Variants in CFHR5 observed in about 807,000 individuals in gnomAD.
The protein encoded by CFHR5 is complement factor H related 5, also known as complement factor H-related protein 5.
In CFHR5, 73 loss-of-function variants were observed where a neutral mutation model predicts 62.9. The ratio of observed to expected loss-of-function variants is 1.16; its 90% CI spans 0.96 to 1.41. The LOEUF (loss-of-function observed/expected upper bound fraction) is 1.41. CFHR5 is among the 40% of genes most tolerant of loss of function. CFHR5 has a pLI of 0.00. For synonymous variants in CFHR5, 249 were observed against 227.2 expected (o/e 1.10, Z -0.86); for missense variants, 779 against 679.9 (o/e 1.15, Z -1.62).
Position 196,998,261 on chromosome 1 carries a change from A to C in CFHR5, c.1104A>C (p.Ser368=). The C allele has an allele frequency of 6.2e-7, 1 of 1,610,786 alleles. No homozygotes were observed. The highest frequency in any genetic ancestry group is 8.5e-7 in the Non-Finnish European group (1 of 1,177,914). ...RCSDIFRYRH[S]VCINGKWNPE... ...CAGACATCTTCAGATACAGGCACTCAGTCTGTATAAACGGGAAATGGAATC... is the reference window on the plus strand; with the variant it reads ...CAGACATCTTCAGATACAGGCACTCCGTCTGTATAAACGGGAAATGGAATC... Residue 368 remains serine, a synonymous_variant, in exon 7 of 10, where the codon TCA becomes TCC. Coordinates refer to ENST00000256785, the MANE Select transcript of CFHR5 (RefSeq NM_030787.4).
chr1:197,006,929 T>C (rs144400911), intron 9 of CFHR5, among the ~76,000 whole-genome samples: 3,998 of 149,770 alleles, frequency 0.027, 168 homozygotes, highest in African/African-American at 0.086. Flanking sequence ...CTCCGCCTCC[T>C]GGGTTCAAGC....
At chr1:196,979,825 A>G (rs1401514660) in intron 1 of CFHR5, among the ~76,000 whole-genome samples, 2 of 152,090 alleles carry the variant, frequency 1.3e-5, no homozygotes, top group Non-Finnish European at 2.9e-5. Flanking sequence ...TGGTGCACCC[A>G]GGATAGACTA....
chr1:196,983,867 C>T, intron 2 of CFHR5, 94 bp from the exon 3 acceptor site: 1 of 794,094 alleles, frequency 1.3e-6, no homozygotes, highest in Non-Finnish European at 2.1e-6. Context: ...CACATGATGT[C>T]AGTTTTCAAA....
chr1:196,983,139 G>A (rs568332602), intron 2 of CFHR5, 60 bp downstream of exon 2: 80 of 1,604,040 alleles, frequency 5.0e-5, no homozygotes, highest in Middle Eastern at 1.7e-4. Context: ...AGGATGTGCC[G>A]GACAAGATCA....
At chr1:196,998,515 T>G (rs904583383) in intron 7 of CFHR5, among the ~76,000 whole-genome samples, 2 of 151,974 alleles carry the variant, frequency 1.3e-5, no homozygotes, top group African/African-American at 4.8e-5. Context: ...GTAAAGCTGT[T>G]TTTACTCTAT....
chr1:196,985,703 T>C (rs1421742408), intron 3 of CFHR5, among the ~76,000 whole-genome samples: 1 of 152,192 alleles, frequency 6.6e-6, no homozygotes, highest in Non-Finnish European at 1.5e-5. Context: ...CAAATTAAGT[T>C]TGGCCAGCGT....
chr1:197,001,419 T>C (rs916122794), intron 7 of CFHR5, among the ~76,000 whole-genome samples: 1 of 152,164 alleles, frequency 6.6e-6, no homozygotes, highest in Non-Finnish European at 1.5e-5. Context: ...ATAATTATTA[T>C]ATTTTTTAAT....
chr1:196,989,559 G>C (rs758054474), intron 3 of CFHR5, among the ~76,000 whole-genome samples: 2 of 152,054 alleles, frequency 1.3e-5, no homozygotes, highest in Non-Finnish European at 2.9e-5. Flanking sequence ...CAGAGATTCT[G>C]GTAAGTTGTG....
Position 196,995,753 on chromosome 1 carries a change from C to G in CFHR5, c.644C>G (p.Ser215Cys). ...VRSCGPPPQLSNGEVKEIRKE... is the reference protein window; with the variant it reads ...VRSCGPPPQLCNGEVKEIRKE... ...TCATGTGGTCCACCTCCTCAACTCT[C>G]CAATGGTGAAGTTAAGGAGATAAGA... Residue 215 changes from serine to cysteine, a missense_variant, in exon 5 of 10, where the codon TCC becomes TGC. By Grantham distance (112) the Ser-to-Cys change is moderately radical. Coordinates refer to ENST00000256785, the MANE Select transcript of CFHR5 (RefSeq NM_030787.4). 6.2e-7 allele frequency: 1 copy of G among 1,613,148 alleles called. No individual in the cohort carries two copies. The highest frequency in any genetic ancestry group is 8.5e-7 in the Non-Finnish European group (1 of 1,179,318).
chr1:197,000,641 G>T (rs1571526311), intron 7 of CFHR5, among the ~76,000 whole-genome samples: 1 of 151,990 alleles, frequency 6.6e-6, no homozygotes. Flanking sequence ...CTATTTCCTG[G>T]CACTGGGACA....
At chr1:196,996,331 C>A (rs1052091404) in intron 6 of CFHR5, 130 bp downstream of exon 6, 15 of 749,306 alleles carry the variant, frequency 2.0e-5, no homozygotes, top group Middle Eastern at 3.6e-4. Flanking sequence ...TAAAATATGT[C>A]AATCCATTTA....
At chr1:196,993,440 G>A (rs576132208) in intron 3 of CFHR5, among the ~76,000 whole-genome samples, 5 of 151,986 alleles carry the variant, frequency 3.3e-5, no homozygotes, top group East Asian at 1.9e-4. Flanking sequence ...GACTATAGGC[G>A]CCCACCACCC....
intron 1 of CFHR5, among the ~76,000 whole-genome samples, chr1:196,978,051 C>A (rs1437910675): frequency 6.6e-6 from 1 of 152,054 alleles, no homozygotes; most frequent in Admixed American, 6.6e-5. Context: ...CTCTGCAATG[C>A]CACTGACTAG....
intron 4 of CFHR5, 53 bp downstream of exon 4, chr1:196,994,309 G>A: frequency 7.3e-7 from 1 of 1,369,124 alleles, no homozygotes; most frequent in Non-Finnish European, 1.0e-6. Flanking sequence ...TTATAATAAT[G>A]CCCATATATT....
At chr1:196,997,005 C>G (rs1337390591) in intron 6 of CFHR5, among the ~76,000 whole-genome samples, 1 of 151,994 alleles carries the variant, frequency 6.6e-6, no homozygotes, top group Admixed American at 6.6e-5. Flanking sequence ...CAGATCCTGG[C>G]CTCTTTTGTC....
intron 6 of CFHR5, among the ~76,000 whole-genome samples, chr1:196,997,060 T>C (rs1654010874): frequency 6.6e-6 from 1 of 152,080 alleles, no homozygotes; most frequent in African/African-American, 2.4e-5. Flanking sequence ...AATTTTGAAC[T>C]TTAAAGACAA....
At chr1:196,988,330 C>A (rs1653750919) in intron 3 of CFHR5, among the ~76,000 whole-genome samples, 1 of 152,138 alleles carries the variant, frequency 6.6e-6, no homozygotes, top group African/African-American at 2.4e-5. Flanking sequence ...AACAATTTGA[C>A]TTCCTCTTTT....
chr1:196,988,820 C>A (rs997710740), intron 3 of CFHR5, among the ~76,000 whole-genome samples: 1 of 152,060 alleles, frequency 6.6e-6, no homozygotes, highest in East Asian at 1.9e-4. Flanking sequence ...GGATATGGGT[C>A]TAAAATTCTC....
At chr1:196,981,547 A>ATTAC (rs1440080209) in intron 1 of CFHR5, among the ~76,000 whole-genome samples, 1 of 151,962 alleles carries the variant, frequency 6.6e-6, no homozygotes, top group East Asian at 1.9e-4. Flanking sequence ...CAAAACATGA[A>ATTAC]TATTTCACCC....
Sources: gnomAD v4.1 joint callset for allele counts (sites outside exome capture counted in the v4.1 genomes callset) on GRCh38, gnomAD v4.1.1 for gene constraint, MANE v1.5 for transcripts, NCBI Gene and HGNC (gene_info 2026-07-23, HGNC 2026-07-21) for gene names.